Variants in GRIP2 observed in about 807,000 individuals in gnomAD.
GRIP2 encodes the protein glutamate receptor interacting protein 2.
Under a neutral mutation model 108.3 loss-of-function variants are expected in GRIP2, and 58 were observed. The observed-to-expected ratio is 0.54, with a 90% CI of 0.43 to 0.67. The LOEUF is 0.67. GRIP2 is among the 30% of genes least tolerant of loss of function. The probability of loss-of-function intolerance (pLI) is 0.00; values close to 1 mark genes in which losing one functional copy is unlikely to be tolerated. For synonymous variants in GRIP2, 586 were observed against 598.2 expected, an observed-to-expected ratio of 0.98 and a Z score of 0.30; for missense variants, 1,278 against 1,430.6, an observed-to-expected ratio of 0.89 and a Z score of 1.72.
the GRIP2 span, among the ~76,000 whole-genome samples, chr3:14,593,392 GC>G: frequency 6.6e-6 from 1 of 152,166 alleles, no homozygotes; most frequent in Admixed American, 6.5e-5. Context: ...GATCCTCATG[GC>G]TCCCGCTTCC....
chr3:14,583,660 C>A, the GRIP2 span, among the ~76,000 whole-genome samples: 1 of 152,260 alleles, frequency 6.6e-6, no homozygotes, highest in Non-Finnish European at 1.5e-5. Flanking sequence ...AGCTCATTAA[C>A]CCCCTTGCCA....
upstream of GRIP2, chr3:14,541,823 TG>T: frequency 8.1e-7 from 1 of 1,234,626 alleles, no homozygotes. Context: ...CTGAATTTAG[TG>T]GACATTTCCT....
At chr3:14,530,818 A>G (rs1694690843) in intron 1 of GRIP2, among the ~76,000 whole-genome samples, 1 of 152,252 alleles carries the variant, frequency 6.6e-6, no homozygotes, top group Admixed American at 6.5e-5. Context: ...ACATCAAAGT[A>G]AATGGGGTAT....
the GRIP2 span, among the ~76,000 whole-genome samples, chr3:14,580,081 T>C: frequency 7.6e-3 from 1,156 of 152,342 alleles, 15 homozygotes; most frequent in African/African-American, 0.026. Flanking sequence ...CTCAGAGAAC[T>C]ACTGTGTCCA....
At chr3:14,595,047 C>T in the GRIP2 span, among the ~76,000 whole-genome samples, 5 of 152,244 alleles carry the variant, frequency 3.3e-5, no homozygotes, top group African/African-American at 1.2e-4. Context: ...CAGGTGTGTG[C>T]CACTACACCC....
upstream of GRIP2, among the ~76,000 whole-genome samples, chr3:14,557,174 C>G (rs1695248885): frequency 6.6e-6 from 1 of 152,228 alleles, no homozygotes; most frequent in South Asian, 2.1e-4. Flanking sequence ...AATCCTTTGG[C>G]CTAGCATTCA....
upstream of GRIP2, among the ~76,000 whole-genome samples, chr3:14,540,661 G>GT (rs1559352503): frequency 6.6e-6 from 1 of 152,026 alleles, no homozygotes. The surrounding 1 kb of genome is among the most constrained non-coding windows in gnomAD (Gnocchi z 4.1). Context: ...CTAGGCATCA[G>GT]TTTTTTCATC....
At chr3:14,496,702 G>T in intron 21 of GRIP2, 142 bp from the exon 22 acceptor site, 2 of 1,164,414 alleles carry the variant, frequency 1.7e-6, no homozygotes, top group Non-Finnish European at 2.3e-6. Context: ...ATTGGGGCTG[G>T]GTCCAACAGC....
chr3:14,570,373 G>A, the GRIP2 span, among the ~76,000 whole-genome samples: 1 of 152,196 alleles, frequency 6.6e-6, no homozygotes, highest in Admixed American at 6.5e-5. Flanking sequence ...TCAGAGCCAG[G>A]GGGCCAGGAG....
intron 1 of GRIP2, among the ~76,000 whole-genome samples, chr3:14,536,520 A>G (rs575340927): frequency 6.6e-6 from 1 of 152,330 alleles, no homozygotes; most frequent in East Asian, 1.9e-4. Flanking sequence ...TCAGGCACTC[A>G]CAGGCTGGGT....
chr3:14,531,273 T>A (rs936950540), intron 1 of GRIP2, among the ~76,000 whole-genome samples: 6 of 152,214 alleles, frequency 3.9e-5, no homozygotes, highest in Non-Finnish European at 5.9e-5. Flanking sequence ...ACAAAGTTGA[T>A]GGGGTGATTA....
the GRIP2 span, chr3:14,573,962 C>G: frequency 9.3e-7 from 1 of 1,078,146 alleles, no homozygotes; most frequent in East Asian, 2.5e-5. Context: ...TGAAGCTGTG[C>G]ACCTGCGGAT....
At chr3:14,562,226 T>A in the GRIP2 span, among the ~76,000 whole-genome samples, 1 of 152,174 alleles carries the variant, frequency 6.6e-6, no homozygotes, top group Admixed American at 6.5e-5. Flanking sequence ...CTGAAAGCAA[T>A]GGATGATTGC....
In GRIP2 at chr3:14,506,996, G is replaced by C; in HGVS notation, c.2219-16C>G. On this transcript the variant is annotated splice_polypyrimidine_tract_variant and intron_variant, in intron 18 of 23. Transcript: ENST00000621039. ...AGGAGGGGACCTGGGAGGAGAGAGG[G>C]GTGTCAATTCTGACTTCAGAGACAC... 1 of 1,579,516 alleles carries C rather than the reference G, an allele frequency of 6.3e-7. No homozygotes were observed. The highest frequency in any genetic ancestry group is 1.2e-5 in the South Asian group (1 of 85,846).
intron 1 of GRIP2, among the ~76,000 whole-genome samples, chr3:14,537,053 C>T (rs1408758074): frequency 6.6e-6 from 1 of 152,240 alleles, no homozygotes; most frequent in Non-Finnish European, 1.5e-5. Context: ...TTCCTGGTTA[C>T]ACAGCCAGAA....
the GRIP2 span, among the ~76,000 whole-genome samples, chr3:14,578,454 C>T: frequency 6.6e-6 from 1 of 152,178 alleles, no homozygotes; most frequent in Admixed American, 6.5e-5. Flanking sequence ...CCATGGCCCA[C>T]GTCTGTAATC....
At position 14,524,516 on chromosome 3, in the gene GRIP2, C is replaced by T. The variant is rs1385737111; in HGVS notation, c.280G>A (p.Asp94Asn). Residue 94 changes from aspartate to asparagine, a missense_variant, in exon 4 of 24, where the codon GAC (aspartate) becomes AAC (asparagine). Asp to Asn is a conservative substitution (Grantham distance 23). Transcript: ENST00000621039. ...AARSDLLNIG[D>N]YIRSVNGIHL... ...ATCCCGTTCACAGACCGAATATAGTCACCAATGTTCAGCAGATCACTCCTA... is the reference window on the plus strand; with the variant it reads ...ATCCCGTTCACAGACCGAATATAGTTACCAATGTTCAGCAGATCACTCCTA... The T allele has an allele frequency of 1.3e-6, 2 of 1,554,082 alleles. No homozygotes were observed. Among genetic ancestry groups the T allele is most frequent in the Non-Finnish European group, 8.7e-7 (1 of 1,148,446 alleles).
chr3:14,572,611 CA>C, the GRIP2 span, among the ~76,000 whole-genome samples: 5 of 46,956 alleles, frequency 1.1e-4, no homozygotes, highest in Admixed American at 3.8e-4. Context: ...GACTCCGTCT[CA>C]AAAAAAAAAA....
At chr3:14,532,681 C>A (rs1247171952) in intron 1 of GRIP2, among the ~76,000 whole-genome samples, 1 of 152,074 alleles carries the variant, frequency 6.6e-6, no homozygotes, top group African/African-American at 2.4e-5. Flanking sequence ...GGGGTTCAAC[C>A]TGGGTCTGGG....
Sources: allele counts gnomAD v4.1 joint callset (sites outside exome capture counted in the v4.1 genomes callset), GRCh38; gene constraint gnomAD v4.1.1; non-coding constraint Gnocchi (gnomAD v3.1); transcripts MANE v1.5; gene names NCBI Gene and HGNC (gene_info 2026-07-23, HGNC 2026-07-21).